The following ZNF91 variants were observed in gnomAD, a reference collection of about 807,000 sequenced individuals.
The protein encoded by ZNF91 is zinc finger protein 91, also known as zinc finger protein 91 (HPF7, HTF10).
A neutral mutation model predicts 12.6 loss-of-function variants in ZNF91; 7 were observed. The ratio of observed to expected loss-of-function variants is 0.55; its 90% CI spans 0.31 to 1.04. ZNF91 has a LOEUF of 1.04. Ranked by LOEUF, ZNF91 falls within the 50% of genes least tolerant of loss-of-function variation. The pLI is 0.05. For missense variants in ZNF91, 1,217 were observed against 1,385.4 expected, an observed-to-expected ratio of 0.88 and a Z score of 1.93; for synonymous variants, 453 against 462.6, an observed-to-expected ratio of 0.98 and a Z score of 0.27.
Position 23,357,833 on chromosome 19 carries a change from C to T in ZNF91, c.*1570G>A, listed in dbSNP as rs1206617660. On this transcript the variant is annotated 3_prime_UTR_variant, in exon 4 of 4. Transcript: ENST00000300619. The stretch of plus-strand genomic sequence containing the variant: ...TTATTTGTAATACAAAGAATAAATG[C>T]TAGAGGTAATGGAGACCGCATTTAG... 1 of 151,910 alleles carries T rather than the reference C, an allele frequency of 6.6e-6. No individual in the cohort carries two copies. Among genetic ancestry groups the T allele is most frequent in the Non-Finnish European group, 1.5e-5 (1 of 67,966 alleles). The allele number at this position is 151,910 out of a possible 1,614,324, so 9.4% of individuals were successfully genotyped here.
chr19:23,333,149 T>C (rs1967953681), intron 1 of ZNF91, among the ~76,000 whole-genome samples: 1 of 152,216 alleles, frequency 6.6e-6, no homozygotes, highest in African/African-American at 2.4e-5. Flanking sequence ...TGCTGAGCCC[T>C]ATTCAAGGAC....
chr19:23,375,964 A>G (rs1417078983), intron 1 of ZNF91, among the ~76,000 whole-genome samples: 1 of 152,208 alleles, frequency 6.6e-6, no homozygotes, highest in Admixed American at 6.5e-5. Flanking sequence ...AGTTGCATGG[A>G]AAGTTCAAGG....
upstream of ZNF91, among the ~76,000 whole-genome samples, chr19:23,312,061 G>A (rs1469188678): frequency 6.6e-6 from 1 of 152,154 alleles, no homozygotes; most frequent in South Asian, 2.1e-4. Flanking sequence ...TTCAGGAGGG[G>A]ATTATACCAT....
In ZNF91 at chr19:23,362,355, C is replaced by T. The variant is rs747521130; in HGVS notation, c.624G>A (p.Lys208=). ...TTTCACATTCTTTACATTTACAGGACTTCTCTGTAATATAAACGCATTTAT... is the reference window on the plus strand; with the variant it reads ...TTTCACATTCTTTACATTTACAGGATTTCTCTGTAATATAAACGCATTTAT... ...TQHKCVYITE[K]SCKCKECEKT... is the part of the protein sequence containing the mutation. Residue 208 remains lysine, a synonymous_variant, in exon 4 of 4, where the codon AAG becomes AAA. Transcript: ENST00000300619. 1.9e-6 allele frequency: 3 copies of T among 1,613,396 alleles called. No individual in the cohort carries two copies. The highest frequency in any genetic ancestry group is 8.5e-7 in the Non-Finnish European group (1 of 1,179,782).
downstream of ZNF91, among the ~76,000 whole-genome samples, chr19:23,354,239 CCAA>C (rs1359905876): frequency 6.6e-6 from 1 of 152,040 alleles, no homozygotes; most frequent in Non-Finnish European, 1.5e-5. Flanking sequence ...AAAAGAATAT[CCAA>C]CAACATGTCG....
chr19:23,359,862 T>C lies in ZNF91; in HGVS notation c.3117A>G (p.Thr1039=). The C allele has an allele frequency of 6.3e-7, 1 of 1,589,738 alleles. No individual in the cohort carries two copies. The highest frequency in any genetic ancestry group is 8.6e-7 in the Non-Finnish European group (1 of 1,160,762). ...TCTCTCCAGTATGAATTATCTTATG[T>C]GTAGTAAGCTTTGAGGATCGATTAA... The part of the protein sequence containing the change: ...KAFNRSSKLT[T]HKIIHTGEKP... The change falls in exon 4 of 4, where the codon ACA becomes ACG. Residue 1039 remains threonine (T), a synonymous_variant. Transcript: ENST00000300619.
At chr19:23,310,198 TA>T (rs3215020) in intron 1 of ZNF91, among the ~76,000 whole-genome samples, 44,312 of 151,954 alleles carry the variant, frequency 0.29, 6,809 homozygotes, top group East Asian at 0.39. Flanking sequence ...CCTTGGGTGA[TA>T]ACAGAACATG....
intron 1 of ZNF91, among the ~76,000 whole-genome samples, chr19:23,390,311 C>A (rs55738647): frequency 0.19 from 29,098 of 151,668 alleles, 2,987 homozygotes; most frequent in African/African-American, 0.22. Flanking sequence ...AGTAAAACTC[C>A]GTCTCAGAAA....
At chr19:23,379,904 G>A (rs188009652) in intron 1 of ZNF91, among the ~76,000 whole-genome samples, 2 of 152,356 alleles carry the variant, frequency 1.3e-5, no homozygotes, top group Admixed American at 1.3e-4. Context: ...GCTCACAGCT[G>A]GCAGCTCACA....
chr19:23,370,002 A>T (rs11879928), intron 3 of ZNF91, among the ~76,000 whole-genome samples: 67,658 of 109,808 alleles, frequency 0.62, 16,853 homozygotes, highest in Middle Eastern at 0.71. Context: ...AATGATCAAT[A>T]AAAAAAAAAA....
chr19:23,392,852 A>G (rs1970111739), intron 1 of ZNF91, among the ~76,000 whole-genome samples: 1 of 152,044 alleles, frequency 6.6e-6, no homozygotes, highest in Admixed American at 6.5e-5. Context: ...AAAGCTTTTC[A>G]AGATACAGAT....
intron 3 of ZNF91, among the ~76,000 whole-genome samples, chr19:23,369,176 GAC>G (rs1969154332): frequency 1.3e-5 from 2 of 152,128 alleles, no homozygotes; most frequent in East Asian, 3.9e-4. Context: ...CAGGTGTGGT[GAC>G]GTGTGCCTGT....
chr19:23,373,384 AT>A (rs1555743054), intron 3 of ZNF91, among the ~76,000 whole-genome samples: 5 of 60,004 alleles, frequency 8.3e-5, no homozygotes, highest in East Asian at 5.2e-4. Context: ...ATATATATAT[AT>A]AAATAAACAG....
Position 23,382,362 on chromosome 19 carries a change from T to C in ZNF91, c.31-7598A>G, listed in dbSNP as rs138557392. Among the ~76,000 whole-genome samples the C allele has an allele frequency of 2.4e-3, 365 of 152,312 alleles. 2 individuals are homozygous for C. The highest frequency in any genetic ancestry group is 8.3e-3 in the African/African-American group (343 of 41,574). ...AGAGAAAGGTGTTACATAAAATTCA[T>C]AGGTTCAGATGAATAAAGCATGTTC... On this transcript the variant is annotated intron_variant, in intron 1 of 3. Transcript: ENST00000300619.
At chr19:23,381,540 CA>C (rs1303115031) in intron 1 of ZNF91, among the ~76,000 whole-genome samples, 1 of 150,774 alleles carries the variant, frequency 6.6e-6, no homozygotes, top group East Asian at 2.0e-4. Flanking sequence ...CGGCTCACCT[CA>C]ACCTCCACCT....
At chr19:23,372,111 CACA>C (rs1969302883) in intron 3 of ZNF91, among the ~76,000 whole-genome samples, 1 of 152,048 alleles carries the variant, frequency 6.6e-6, no homozygotes, top group African/African-American at 2.4e-5. Context: ...CTAACTCACA[CACA>C]ACATGTACAT....
Position 23,384,525 on chromosome 19 carries a change from C to T in ZNF91, c.31-9761G>A, listed in dbSNP as rs187304434. On this transcript the variant is annotated intron_variant, in intron 1 of 3. Coordinates refer to ENST00000300619, the MANE Select transcript of ZNF91 (RefSeq NM_003430.4). ...CTTGCAAAACAGACATTCTCAAATT[C>T]CAAAATGCCAGCCAAGGCCCCAATT... 2.0e-5 allele frequency: 22 copies of T among 1,127,228 alleles called. No individual in the cohort carries two copies. In the Admixed American group the frequency reaches 2.6e-4, roughly 13 times the overall value. 69.8% of individuals were successfully genotyped at this position (1,127,228 alleles called of 1,614,324 possible).
intron 1 of ZNF91, among the ~76,000 whole-genome samples, chr19:23,322,645 T>TCTCCTCCTCCTCCTTTTTC (rs1555732784): frequency 1.3e-5 from 2 of 148,368 alleles, no homozygotes; most frequent in African/African-American, 4.8e-5. Context: ...ATAACTTTTT[T>TCTCCTCCTCCTCCTTTTTC]CTCCTCCTCC....
chr19:23,323,909 CTCCT>C (rs754054816), intron 1 of ZNF91: 2 of 143,844 alleles, frequency 1.4e-5, no homozygotes, highest in Non-Finnish European at 3.1e-5. Context: ...TCTTTCTCCA[CTCCT>C]TTCTTTTCTC....
Sources: allele counts gnomAD v4.1 joint callset (sites outside exome capture counted in the v4.1 genomes callset), GRCh38; gene constraint gnomAD v4.1.1; transcripts MANE v1.5; gene names NCBI Gene and HGNC (gene_info 2026-07-23, HGNC 2026-07-21).